Variants in RALGAPA1 observed in about 807,000 individuals in gnomAD.
The protein encoded by RALGAPA1 is ral GTPase-activating protein subunit alpha-1.
Under a neutral mutation model 269.6 loss-of-function variants are expected in RALGAPA1, and 52 were observed. The observed-to-expected ratio is 0.19, with a 90% CI of 0.15 to 0.24. The LOEUF (loss-of-function observed/expected upper bound fraction) is 0.24. RALGAPA1 is among the 10% of genes least tolerant of loss of function. The pLI is 1.00. For synonymous variants in RALGAPA1, 817 were observed against 1,008.3 expected (o/e 0.81, Z 3.60); for missense variants, 1,917 against 3,013.9 (o/e 0.64, Z 8.52).
intron 1 of RALGAPA1, among the ~76,000 whole-genome samples, chr14:35,795,202 T>C (rs1183767890): frequency 6.6e-6 from 1 of 152,124 alleles, no homozygotes; most frequent in Non-Finnish European, 1.5e-5. Context: ...GGAGAGCTTC[T>C]AAGTCGTAGT....
chr14:35,633,263 C>T (rs904809940), intron 33 of RALGAPA1, among the ~76,000 whole-genome samples: 8 of 152,084 alleles, frequency 5.3e-5, no homozygotes, highest in Non-Finnish European at 1.0e-4. Flanking sequence ...TTTCACATAA[C>T]CATATTTTTA....
intron 16 of RALGAPA1, 47 bp downstream of exon 16, chr14:35,721,641 T>C (rs1407445569): frequency 2.7e-6 from 4 of 1,496,064 alleles, no homozygotes; most frequent in African/African-American, 2.8e-5. Flanking sequence ...CCAAGGACTA[T>C]AAATGTAGTG....
At chr14:35,730,891 T>C (rs923448627) in intron 12 of RALGAPA1, among the ~76,000 whole-genome samples, 10 of 152,150 alleles carry the variant, frequency 6.6e-5, no homozygotes, top group Non-Finnish European at 4.4e-5. Flanking sequence ...CAGCTGATGC[T>C]CTCTGGAATG....
At chr14:35,803,770 T>C (rs2077149704) in intron 1 of RALGAPA1, among the ~76,000 whole-genome samples, 2 of 151,842 alleles carry the variant, frequency 1.3e-5, no homozygotes. Context: ...ATAGCTGGGA[T>C]TACAGTCATG....
chr14:35,739,332 T>C (rs1228495741), intron 11 of RALGAPA1, among the ~76,000 whole-genome samples: 1 of 152,148 alleles, frequency 6.6e-6, no homozygotes, highest in African/African-American at 2.4e-5. Context: ...ATGCAAAAGG[T>C]TTAGTCCAAT....
At chr14:35,635,327 A>C (rs371396827) in intron 32 of RALGAPA1, 137 bp downstream of exon 32, 5 of 964,882 alleles carry the variant, frequency 5.2e-6, no homozygotes, top group Non-Finnish European at 7.2e-6. Flanking sequence ...AATTACCCTT[A>C]GGCACTGTAA....
intron 30 of RALGAPA1, among the ~76,000 whole-genome samples, chr14:35,653,133 C>T (rs574966367): frequency 2.6e-4 from 40 of 152,246 alleles, no homozygotes; most frequent in Non-Finnish European, 5.4e-4. Context: ...GTCCTGTTCT[C>T]TTGGCTTATG....
intron 28 of RALGAPA1, among the ~76,000 whole-genome samples, chr14:35,656,156 C>T (rs2063161014): frequency 1.3e-5 from 2 of 152,166 alleles, no homozygotes; most frequent in Admixed American, 1.3e-4. Flanking sequence ...TACCACACAA[C>T]ATGTTTTTTA....
At chr14:35,570,468 C>A (rs1309958800) in intron 39 of RALGAPA1, 149 bp downstream of exon 39, 2 of 645,616 alleles carry the variant, frequency 3.1e-6, no homozygotes, top group South Asian at 3.1e-5. Flanking sequence ...TGAGACAATC[C>A]CGGGAAACAT....
intron 26 of RALGAPA1, among the ~76,000 whole-genome samples, chr14:35,665,299 A>C (rs538365669): frequency 2.7e-4 from 41 of 152,216 alleles, no homozygotes; most frequent in Non-Finnish European, 4.9e-4. Context: ...CTGCCAATGA[A>C]GGTAACTTTT....
At chr14:35,598,266 T>C (rs916641624) in intron 36 of RALGAPA1, among the ~76,000 whole-genome samples, 2 of 152,156 alleles carry the variant, frequency 1.3e-5, no homozygotes, top group African/African-American at 4.8e-5. Flanking sequence ...TTATATAATG[T>C]CCTTCTGGTC....
chr14:35,611,319 T>C (rs1187126095), intron 35 of RALGAPA1, among the ~76,000 whole-genome samples: 2 of 151,936 alleles, frequency 1.3e-5, no homozygotes, highest in Non-Finnish European at 2.9e-5. Context: ...CTGGCCAACA[T>C]GGTGAAACCT....
chr14:35,688,196 A>G (rs549568204), intron 18 of RALGAPA1, among the ~76,000 whole-genome samples: 173 of 152,310 alleles, frequency 1.1e-3, no homozygotes, highest in African/African-American at 3.9e-3. Flanking sequence ...AGGTTATTGA[A>G]ATTTTCCTAT....
At chr14:35,720,544 T>C (rs1406606647) in intron 16 of RALGAPA1, among the ~76,000 whole-genome samples, 1 of 152,200 alleles carries the variant, frequency 6.6e-6, no homozygotes, top group African/African-American at 2.4e-5. Context: ...CATAGAAGCA[T>C]TGATTGTAAA....
In RALGAPA1 at chr14:35,775,665, C is replaced by A; in HGVS notation, c.187G>T (p.Val63Leu). The A allele has an allele frequency of 6.3e-7, 1 of 1,576,302 alleles. No individual in the cohort carries two copies. The highest frequency in any genetic ancestry group is 8.6e-7 in the Non-Finnish European group (1 of 1,167,680). ...HIYYVFFENF[V>L]TIEASLKQKG... is the part of the protein sequence containing the mutation. ...TGTTTAAGACTAGCTTCAATAGTCA[C>A]AAAATTTTCAAAGAACACATAGTAT... Residue 63 changes from valine to leucine, a missense_variant, in exon 2 of 42, where the codon GTG becomes TTG. Coordinates refer to ENST00000680220, the MANE Select transcript of RALGAPA1 (RefSeq NM_001346249.2).
At chr14:35,576,536 G>T (rs1017618367) in intron 37 of RALGAPA1, among the ~76,000 whole-genome samples, 1 of 152,060 alleles carries the variant, frequency 6.6e-6, no homozygotes, top group South Asian at 2.1e-4. Flanking sequence ...GGACAAAAAT[G>T]TCAAATGGGA....
Position 35,643,197 on chromosome 14 carries a change from C to T in RALGAPA1, c.5677-7599G>A, listed in dbSNP as rs188526718. Among the ~76,000 whole-genome samples the T allele has an allele frequency of 2.3e-3, 321 of 140,090 alleles. 7 individuals are homozygous for T. The highest frequency in any genetic ancestry group is 2.3e-3 in the Non-Finnish European group (148 of 65,134). The allele number at this position is 140,090 out of a possible 152,430, so 91.9% of individuals were successfully genotyped here. ...GGGCCTTTCGAGGGGTGGGGGGAGG[C>T]GGGAGGGATAGCATTAGGAAATATA... On this transcript the variant is annotated intron_variant, in intron 31 of 41. Transcript: ENST00000680220.
chr14:35,645,574 C>CA (rs994743784), intron 31 of RALGAPA1, among the ~76,000 whole-genome samples: 9 of 151,434 alleles, frequency 5.9e-5, no homozygotes, highest in Non-Finnish European at 1.0e-4. Flanking sequence ...ACTAAAAATA[C>CA]AAAAAAATTA....
rs563501847 is a variant in RALGAPA1, at chr14:35,644,820, C to T, written c.5676+6985G>A. On this transcript the variant is annotated intron_variant, in intron 31 of 41. Coordinates refer to ENST00000680220, the MANE Select transcript of RALGAPA1 (RefSeq NM_001346249.2). ...GACAAACAGCTAATGCATGTGGTGACGGGTTGACAGGTGCAGCAAAACACC... is the reference window on the plus strand; with the variant it reads ...GACAAACAGCTAATGCATGTGGTGATGGGTTGACAGGTGCAGCAAAACACC... Among the ~76,000 whole-genome samples the T allele has an allele frequency of 9.7e-4, 147 of 152,134 alleles. 1 individual carries two copies. The highest frequency in any genetic ancestry group is 3.2e-3 in the African/African-American group (131 of 41,488).
Sources: allele counts gnomAD v4.1 joint callset (sites outside exome capture counted in the v4.1 genomes callset), GRCh38; gene constraint gnomAD v4.1.1; transcripts MANE v1.5; gene names NCBI Gene and HGNC (gene_info 2026-07-23, HGNC 2026-07-21).